The following CDON variants were observed in gnomAD, a reference collection of about 807,000 sequenced individuals.
CDON encodes cell adhesion molecule-related/down-regulated by oncogenes.
A neutral mutation model predicts 120.9 loss-of-function variants in CDON; 73 were observed. That is an observed-to-expected ratio of 0.60 (90% CI 0.50 to 0.73). The LOEUF is 0.73. Among genes scored for constraint, CDON ranks in the 30% least tolerant of loss-of-function variants. The pLI is 0.00. For missense variants in CDON, 1,470 were observed against 1,587.3 expected (o/e 0.93, Z 1.26); for synonymous variants, 566 against 573.5 (o/e 0.99, Z 0.19).
Position 125,989,623 on chromosome 11 carries a change from A to G in CDON, c.2773+14T>C. ...ATTCTATCACTGTCCAGGGAAAAGC[A>G]AAAATTCTCCTACCTTTAGTCTCGC... On this transcript the variant is annotated intron_variant, in intron 15 of 19. Transcript: ENST00000531738. 6.2e-7 allele frequency: 1 copy of G among 1,611,562 alleles called. No individual in the cohort carries two copies. The highest frequency in any genetic ancestry group is 8.5e-7 in the Non-Finnish European group (1 of 1,178,258).
Position 125,981,108 on chromosome 11 carries a change from G to A in CDON, c.3217C>T (p.His1073Tyr). 1.2e-6 allele frequency: 2 copies of A among 1,614,146 alleles called. No homozygotes were observed. Among genetic ancestry groups the A allele is most frequent in the Non-Finnish European group, 1.7e-6 (2 of 1,180,002 alleles). The change falls in exon 17 of 20, where the codon CAC becomes TAC. Residue 1073 changes from histidine to tyrosine, a missense_variant. Transcript: ENST00000531738. ...TGTGTCCTGGTTAGAGAGTTGCTGTGCCCGGAGTAAAGCCCTCCATTTAGG... is the reference window on the plus strand; with the variant it reads ...TGTGTCCTGGTTAGAGAGTTGCTGTACCCGGAGTAAAGCCCTCCATTTAGG... Reference protein sequence around the residue: ...GSLNGGLYSGHSNSLTRTHVD... With the variant: ...GSLNGGLYSGYSNSLTRTHVD...
At chr11:126,000,688 C>T (rs1367877190) in intron 11 of CDON, among the ~76,000 whole-genome samples, 1 of 152,056 alleles carries the variant, frequency 6.6e-6, no homozygotes, top group East Asian at 1.9e-4. Context: ...GTAGCTGAAA[C>T]GTGCCTCAAA....
intron 2 of CDON, 137 bp downstream of exon 2, chr11:126,023,264 T>C (rs1947689236): frequency 1.3e-6 from 1 of 782,656 alleles, no homozygotes; most frequent in Non-Finnish European, 2.3e-6. Context: ...AGTTTTTAAA[T>C]CATGTAGTTG....
chr11:126,009,622 T>C (rs1947234527), intron 8 of CDON, among the ~76,000 whole-genome samples: 1 of 152,190 alleles, frequency 6.6e-6, no homozygotes, highest in African/African-American at 2.4e-5. Context: ...GAGACCTCAG[T>C]TACCCAAAAC....
chr11:125,985,117 C>T (rs577423369), intron 15 of CDON, among the ~76,000 whole-genome samples: 27 of 152,272 alleles, frequency 1.8e-4, no homozygotes, highest in South Asian at 1.7e-3. Context: ...CCTATGTTTA[C>T]ACCTCACCTC....
At chr11:126,054,147 A>G (rs1948631780) in intron 1 of CDON, among the ~76,000 whole-genome samples, 1 of 152,196 alleles carries the variant, frequency 6.6e-6, no homozygotes, top group Non-Finnish European at 1.5e-5. Context: ...ACCAAACTAC[A>G]GTAAAATAAA....
At chr11:126,058,742 T>C (rs1948731830) in intron 1 of CDON, among the ~76,000 whole-genome samples, 1 of 152,154 alleles carries the variant, frequency 6.6e-6, no homozygotes. Flanking sequence ...CCTTGAAAAG[T>C]ACACAAGAAA....
intron 1 of CDON, 70 bp from the exon 2 acceptor site, chr11:126,023,607 A>T (rs759471556): frequency 4.2e-5 from 31 of 745,016 alleles, no homozygotes; most frequent in African/African-American, 6.9e-5. Context: ...AGCTGTGAGC[A>T]TGACGGCTGC....
At chr11:126,019,796 T>C (rs766705419) in intron 3 of CDON, 31 bp from the exon 4 acceptor site, 1 of 1,578,348 alleles carries the variant, frequency 6.3e-7, no homozygotes, top group African/African-American at 1.3e-5. Flanking sequence ...GATAAATAAA[T>C]ACATGCAAAT....
chr11:126,050,757 C>T (rs1036300484), intron 1 of CDON, among the ~76,000 whole-genome samples: 8 of 152,128 alleles, frequency 5.3e-5, no homozygotes, highest in African/African-American at 1.9e-4. Context: ...ACGCCATGCA[C>T]AGCCTGGGTC....
At chr11:125,989,857 C>CTG in intron 14 of CDON, 98 bp from the exon 15 acceptor site, 4 of 1,067,002 alleles carry the variant, frequency 3.7e-6, no homozygotes, top group Non-Finnish European at 5.5e-6. Flanking sequence ...GAGCAGCATC[C>CTG]ACTACCATCC....
chr11:125,969,016 G>A (rs150436248), intron 18 of CDON, among the ~76,000 whole-genome samples: 182 of 152,106 alleles, frequency 1.2e-3, no homozygotes, highest in African/African-American at 3.8e-3. Context: ...TATTATCATT[G>A]CGATGAAGTT....
intron 1 of CDON, among the ~76,000 whole-genome samples, chr11:126,028,552 C>T (rs939585666): frequency 1.3e-5 from 2 of 151,520 alleles, no homozygotes; most frequent in African/African-American, 2.4e-5. Context: ...TAGTAGAGAT[C>T]GGGTTTTGCC....
At chr11:126,001,908 A>T in intron 10 of CDON, 58 bp from the exon 11 acceptor site, 1 of 1,312,676 alleles carries the variant, frequency 7.6e-7, no homozygotes, top group Non-Finnish European at 1.1e-6. Context: ...TAAAGTGGAA[A>T]AAAAAGAGTA....
At chr11:125,990,021 T>C (rs1415861247) in intron 14 of CDON, among the ~76,000 whole-genome samples, 1 of 152,238 alleles carries the variant, frequency 6.6e-6, no homozygotes, top group Non-Finnish European at 1.5e-5. Flanking sequence ...AATACTTGTT[T>C]CACTAAAAAT....
In CDON at chr11:126,023,380, C is replaced by G. The variant is rs1939890; in HGVS notation, c.76+21G>C. The G allele has an allele frequency of 2.0e-6, 3 of 1,516,678 alleles. No individual in the cohort carries two copies. The Admixed American group carries it at 5.0e-5, about 25-fold the overall frequency. 94.0% of individuals were successfully genotyped at this position (1,516,678 alleles called of 1,614,324 possible). On this transcript the variant is annotated intron_variant, in intron 2 of 19. Transcript: ENST00000531738. ...AAGATGAGTAAAGGCCAAACCACCC[C>G]CTCCCCAATTCTACTCTTACCTGAA...
intron 1 of CDON, among the ~76,000 whole-genome samples, chr11:126,061,553 T>C (rs1948795743): frequency 6.6e-6 from 1 of 152,238 alleles, no homozygotes; most frequent in Non-Finnish European, 1.5e-5. Flanking sequence ...TTGGAGACAC[T>C]GTCCACTAGG....
chr11:125,963,453 G>T (rs1256524998), intron 18 of CDON, among the ~76,000 whole-genome samples: 3 of 152,086 alleles, frequency 2.0e-5, no homozygotes, highest in Non-Finnish European at 4.4e-5. Flanking sequence ...AGAATTATTT[G>T]GATTTGCATC....
chr11:126,010,269 A>T, intron 8 of CDON, 72 bp downstream of exon 8: 1 of 1,071,304 alleles, frequency 9.3e-7, no homozygotes, highest in Non-Finnish European at 1.4e-6. Flanking sequence ...AAAATAACAT[A>T]TTTCAAATCA....
Sources: allele counts gnomAD v4.1 joint callset (sites outside exome capture counted in the v4.1 genomes callset), GRCh38; gene constraint gnomAD v4.1.1; transcripts MANE v1.5; gene names NCBI Gene and HGNC (gene_info 2026-07-23, HGNC 2026-07-21).